The following GET4 variants were observed in gnomAD, a reference collection of about 807,000 sequenced individuals.
The protein encoded by GET4 is Golgi to ER traffic protein 4 homolog.
GET4 carries 20 observed loss-of-function variants against 40.0 expected under a neutral mutation model. The ratio of observed to expected loss-of-function variants is 0.50; its 90% CI spans 0.35 to 0.73. GET4 has a LOEUF of 0.73. GET4 is among the 30% of genes least tolerant of loss of function. The pLI is 0.01. For synonymous variants in GET4, 280 were observed against 194.6 expected, an observed-to-expected ratio of 1.44 and a Z score of -3.65; for missense variants, 557 against 454.0, an observed-to-expected ratio of 1.23 and a Z score of -2.06.
At chr7:887,164 T>G (rs761125654) in intron 3 of GET4, 33 of 721,736 alleles carry the variant, frequency 4.6e-5, no homozygotes, top group South Asian at 1.5e-4. Context: ...GCGTCCGTCC[T>G]TCCTTCCTCG....
chr7:887,762 G>C (rs1235413404), intron 4 of GET4, among the ~76,000 whole-genome samples: 1 of 152,230 alleles, frequency 6.6e-6, no homozygotes, highest in African/African-American at 2.4e-5. Flanking sequence ...GGGACGTTCT[G>C]ACCCTCAGGG....
At chr7:878,476 A>G (rs1296103453) in intron 1 of GET4, 3 of 432,116 alleles carry the variant, frequency 6.9e-6, no homozygotes, top group South Asian at 3.3e-5. Flanking sequence ...CTAAACTGCC[A>G]CAGGGCCGTG....
At position 895,649 on chromosome 7, in the gene GET4, C is replaced by G; in HGVS notation, c.*227C>G. 2.4e-6 allele frequency: 1 copy of G among 413,100 alleles called. No individual in the cohort carries two copies. Among genetic ancestry groups the G allele is most frequent in the East Asian group, 4.0e-5 (1 of 25,158 alleles). The allele number at this position is 413,100 out of a possible 1,614,324, so 25.6% of individuals were successfully genotyped here. On this transcript the variant is annotated 3_prime_UTR_variant, in exon 9 of 9. Coordinates refer to ENST00000265857, the MANE Select transcript of GET4 (RefSeq NM_015949.3). Reference sequence around the variant, plus strand: ...CGTCGCCCCTGCTGGCCGCCGCGTCCCCCGAGATTGACCCACAATAAAGCA... The same window carrying G: ...CGTCGCCCCTGCTGGCCGCCGCGTCGCCCGAGATTGACCCACAATAAAGCA...
intron 4 of GET4, 131 bp from the exon 5 acceptor site, chr7:890,797 T>C: frequency 2.8e-6 from 2 of 711,412 alleles, no homozygotes; most frequent in South Asian, 1.7e-5. Flanking sequence ...GACCTCTGCC[T>C]GTGGGCTCTG....
At chr7:894,019 T>TG (rs1218231629) in intron 8 of GET4, 48 bp downstream of exon 8, 6 of 1,328,004 alleles carry the variant, frequency 4.5e-6, no homozygotes, top group Non-Finnish European at 6.2e-6. Flanking sequence ...TGGGTCGGTG[T>TG]GGGGTCATCA....
At chr7:878,659 A>G (rs557229190) in intron 1 of GET4, among the ~76,000 whole-genome samples, 6 of 148,614 alleles carry the variant, frequency 4.0e-5, no homozygotes, top group East Asian at 2.0e-4. Context: ...GCTCACTGCA[A>G]CCTCCACCTC....
At position 883,448 on chromosome 7, in the gene GET4, C is replaced by T. The variant is rs1471931004; in HGVS notation, c.156-2608C>T. On this transcript the variant is annotated intron_variant, in intron 1 of 8. Coordinates refer to ENST00000265857, the MANE Select transcript of GET4 (RefSeq NM_015949.3). ...ACAGTCTCGGCCACTAGTTCTAATG[C>T]TTGCGTTTCTGTGTTCTGCTTTTTA... 5 of 931,340 alleles carry T rather than the reference C, an allele frequency of 5.4e-6. No homozygotes were observed. In the African/African-American group the frequency reaches 8.9e-5, roughly 17 times the overall value. The allele number at this position is 931,340 out of a possible 1,614,324, so 57.7% of individuals were successfully genotyped here.
chr7:892,164 G>A, intron 5 of GET4, 114 bp from the exon 6 acceptor site: 3 of 1,060,150 alleles, frequency 2.8e-6, no homozygotes, highest in Non-Finnish European at 4.2e-6. Flanking sequence ...ATGGCCTTGG[G>A]CCGCAGGAAC....
rs755977376 is a variant in GET4, at chr7:895,639, C to G, written c.*217C>G. On this transcript the variant is annotated 3_prime_UTR_variant, in exon 9 of 9. Coordinates refer to ENST00000265857, the MANE Select transcript of GET4 (RefSeq NM_015949.3). ...AAGAGTGGGGCGTCGCCCCTGCTGGCCGCCGCGTCCCCCGAGATTGACCCA... is the reference window on the plus strand; with the variant it reads ...AAGAGTGGGGCGTCGCCCCTGCTGGGCGCCGCGTCCCCCGAGATTGACCCA... The G allele has an allele frequency of 2.8e-5, 12 of 421,452 alleles. No homozygotes were observed. Among genetic ancestry groups the G allele is most frequent in the African/African-American group, 2.5e-4 (12 of 48,500 alleles). 26.1% of individuals were successfully genotyped at this position (421,452 alleles called of 1,614,324 possible). A position where few individuals can be genotyped will look rare whatever the true frequency, so the allele number is the denominator to read the frequency against.
intron 5 of GET4, 93 bp from the exon 6 acceptor site, chr7:892,185 C>T (rs966789092): frequency 3.7e-5 from 50 of 1,351,782 alleles, no homozygotes; most frequent in Middle Eastern, 4.0e-4. Context: ...CGTGGGCGCA[C>T]GAGCTTGGGA....
At chr7:892,500 G>A (rs1844349523) in intron 6 of GET4, 82 bp downstream of exon 6, 2 of 1,428,946 alleles carry the variant, frequency 1.4e-6, no homozygotes, top group South Asian at 2.5e-5. Context: ...CTGTGTGGGT[G>A]TGTGTGCAAG....
chr7:879,968 T>C (rs955301822), intron 1 of GET4: 1 of 152,206 alleles, frequency 6.6e-6, no homozygotes, highest in African/African-American at 2.4e-5. Flanking sequence ...GGGCCAGCCA[T>C]AGAGCTGTGT....
At chr7:883,557 G>T (rs1844128054) in intron 1 of GET4, 5 of 985,246 alleles carry the variant, frequency 5.1e-6, no homozygotes, top group Non-Finnish European at 6.0e-6. Flanking sequence ...TTGGCCGGCA[G>T]AGAGCACCAG....
intron 1 of GET4, among the ~76,000 whole-genome samples, chr7:878,976 AC>A (rs11294677): frequency 0.46 from 68,917 of 149,752 alleles, 15,793 homozygotes; most frequent in East Asian, 0.64. Context: ...CCCCACAGAC[AC>A]CCCCCCCCGA....
intron 3 of GET4, chr7:886,888 G>A: frequency 1.8e-6 from 1 of 567,022 alleles, no homozygotes; most frequent in South Asian, 2.0e-5. Context: ...GGCATGACTG[G>A]GGCCCTGTCC....
intron 6 of GET4, among the ~76,000 whole-genome samples, chr7:892,848 G>A (rs1386783109): frequency 6.6e-6 from 1 of 151,530 alleles, no homozygotes; most frequent in Non-Finnish European, 1.5e-5. Context: ...TGTCTGGTGT[G>A]GGTAGTTGGG....
intron 4 of GET4, among the ~76,000 whole-genome samples, chr7:887,731 C>T (rs547820681): frequency 1.6e-3 from 251 of 152,298 alleles, no homozygotes; most frequent in African/African-American, 5.9e-3. Flanking sequence ...GGCAGGCGGC[C>T]GCCTCTCCAG....
chr7:885,853 A>G (rs1269869287), intron 1 of GET4: 1 of 588,584 alleles, frequency 1.7e-6, no homozygotes, highest in East Asian at 2.8e-5. Flanking sequence ...CTTAGTGTCC[A>G]GAGGCGCCCC....
chr7:880,095 ACT>A (rs1368223550), intron 1 of GET4: 4 of 152,136 alleles, frequency 2.6e-5, no homozygotes, highest in African/African-American at 4.8e-5. Context: ...TAATCCCAAC[ACT>A]CTGGGAGGCC....
Sources: gnomAD v4.1 joint callset for allele counts (sites outside exome capture counted in the v4.1 genomes callset) on GRCh38, gnomAD v4.1.1 for gene constraint, MANE v1.5 for transcripts, NCBI Gene and HGNC (gene_info 2026-07-23, HGNC 2026-07-21) for gene names.